Variants in MED17 observed in about 807,000 individuals in gnomAD.
MED17 encodes the protein mediator of RNA polymerase II transcription subunit 17.
Under a neutral mutation model 80.8 loss-of-function variants are expected in MED17, and 49 were observed. The ratio of observed to expected loss-of-function variants is 0.61; its 90% CI spans 0.48 to 0.77. MED17 has a LOEUF of 0.77. Among genes scored for constraint, MED17 ranks in the 30% least tolerant of loss-of-function variants. The pLI is 0.00. For synonymous variants in MED17, 281 were observed against 280.4 expected (o/e 1.00, Z -0.02); for missense variants, 718 against 787.0 (o/e 0.91, Z 1.05).
intron 9 of MED17, among the ~76,000 whole-genome samples, chr11:93,803,993 GTGTGTGTA>G (rs1267482842): frequency 0.032 from 73 of 2,316 alleles, 1 homozygote; most frequent in Middle Eastern, 0.5. Flanking sequence ...GTGTATATAT[GTGTGTGTA>G]TATATATATA....
At chr11:93,795,195 A>G in intron 6 of MED17, 135 bp downstream of exon 6, 1 of 972,028 alleles carries the variant, frequency 1.0e-6, no homozygotes, top group Non-Finnish European at 1.6e-6. Flanking sequence ...AGTGACAGCC[A>G]GTAAAGCATG....
chr11:93,793,861 C>G lies in MED17; in HGVS notation c.771C>G (p.Ile257Met). Residue 257 changes from isoleucine (I) to methionine (M), a missense_variant, in exon 4 of 12, where the codon ATC (isoleucine) becomes ATG (methionine). Ile to Met is a conservative substitution (Grantham distance 10). Transcript: ENST00000251871. ...GTGATTTAGAGGGGTCTGCATATATCAAGGTATTTGTCAAAATATTTTTCA... is the reference window on the plus strand; with the variant it reads ...GTGATTTAGAGGGGTCTGCATATATGAAGGTATTTGTCAAAATATTTTTCA... Reference protein sequence around the residue: ...IPSDLEGSAYIKVSIQKQAPD... With the variant: ...IPSDLEGSAYMKVSIQKQAPD... 3 of 1,613,422 alleles carry G rather than the reference C, an allele frequency of 1.9e-6. No individual in the cohort carries two copies. Among genetic ancestry groups the G allele is most frequent in the Non-Finnish European group, 2.5e-6 (3 of 1,179,482 alleles).
At chr11:93,801,639 G>A in intron 8 of MED17, 196 bp from the exon 9 acceptor site, 2 of 567,616 alleles carry the variant, frequency 3.5e-6, no homozygotes, top group South Asian at 4.1e-5. Context: ...GTAATGTCAA[G>A]CTGAGAACCT....
At chr11:93,800,898 A>G (rs1943955777) in intron 8 of MED17, 1 of 151,956 alleles carries the variant, frequency 6.6e-6, no homozygotes, top group East Asian at 1.9e-4. Flanking sequence ...TGTCCTCCCA[A>G]AGTGTTTTGA....
At chr11:93,787,477 G>A (rs1239237753) in intron 1 of MED17, among the ~76,000 whole-genome samples, 2 of 152,170 alleles carry the variant, frequency 1.3e-5, no homozygotes, top group African/African-American at 4.8e-5. Flanking sequence ...CCTCTCAGGA[G>A]GGGAGAGAAT....
intron 1 of MED17, 45 bp downstream of exon 1, chr11:93,784,808 G>T: frequency 6.5e-7 from 1 of 1,531,776 alleles, no homozygotes; most frequent in Non-Finnish European, 8.7e-7. Context: ...CTGGGTCCCA[G>T]CACCCGCGCG....
Position 93,812,096 on chromosome 11 carries a change from A to G in MED17, c.*32A>G. 1 of 1,579,522 alleles carries G rather than the reference A, an allele frequency of 6.3e-7. No individual in the cohort carries two copies. Among genetic ancestry groups the G allele is most frequent in the Non-Finnish European group, 8.7e-7 (1 of 1,148,804 alleles). ...CCAGATGTTTCCTAAAGAAGTTTCC[A>G]GAAACTTTGACTTGAAATGTTTGCA... On this transcript the variant is annotated 3_prime_UTR_variant, in exon 12 of 12. Transcript: ENST00000251871.
chr11:93,810,797 T>C (rs1944079203), intron 11 of MED17: 1 of 152,234 alleles, frequency 6.6e-6, no homozygotes, highest in Non-Finnish European at 1.5e-5. Context: ...ATGGTTTTAG[T>C]GTGATCTTTG....
In MED17 at chr11:93,805,803, A is replaced by C. The variant is rs902365457; in HGVS notation, c.1467-1715A>C. On this transcript the variant is annotated intron_variant, in intron 9 of 11. Transcript: ENST00000251871. ...AAAACAATGTAAACTTTAGTACATC[A>C]AAATTACAACTTAAGCCAGGCATGG... 3.9e-5 allele frequency among the ~76,000 whole-genome samples: 6 copies of C among 152,078 alleles called. 1 individual carries two copies.
In MED17 at chr11:93,784,315, C is replaced by T; in HGVS notation, c.-199C>T. On this transcript the variant is annotated 5_prime_UTR_variant, in exon 1 of 12. Transcript: ENST00000251871. The stretch of plus-strand genomic sequence containing the variant: ...TCCGAAAGACTTACCGAGGAGGGAG[C>T]TTGCGGTGCGTTCTGGGAAAGTTGC... 1 of 686,542 alleles carries T rather than the reference C, an allele frequency of 1.5e-6. No homozygotes were observed. Among genetic ancestry groups the T allele is most frequent in the East Asian group, 2.9e-5 (1 of 34,908 alleles). The allele number at this position is 686,542 out of a possible 1,614,324, so 42.5% of individuals were successfully genotyped here. A position where few individuals can be genotyped will look rare whatever the true frequency, so the allele number is the denominator to read the frequency against.
At chr11:93,791,182 T>C (rs1038854708) in intron 3 of MED17, among the ~76,000 whole-genome samples, 2 of 152,238 alleles carry the variant, frequency 1.3e-5, no homozygotes, top group African/African-American at 4.8e-5. Flanking sequence ...ATTTCTCAGC[T>C]ATGTGTTACG....
chr11:93,794,585 G>A (rs1196219942), intron 5 of MED17: 1 of 395,580 alleles, frequency 2.5e-6, no homozygotes, highest in African/African-American at 2.0e-5. Flanking sequence ...GCTTTGCACA[G>A]TGGCAGTATC....
chr11:93,790,831 G>T (rs748174714), intron 3 of MED17, 38 bp downstream of exon 3: 3 of 1,565,292 alleles, frequency 1.9e-6, no homozygotes, highest in African/African-American at 1.4e-5. Flanking sequence ...TTCTGGCCAG[G>T]TGTGGTGGCT....
intron 11 of MED17, 177 bp from the exon 12 acceptor site, chr11:93,811,676 A>G (rs1468257409): frequency 3.2e-6 from 2 of 617,716 alleles, no homozygotes; most frequent in Admixed American, 2.9e-5. Context: ...ATCCTCTTAT[A>G]TAGAAGTTAG....
At chr11:93,798,055 G>A (rs901530708) in intron 8 of MED17, among the ~76,000 whole-genome samples, 2 of 152,156 alleles carry the variant, frequency 1.3e-5, no homozygotes, top group African/African-American at 2.4e-5. Flanking sequence ...GAGGGTTTCT[G>A]TATTTTTTGT....
chr11:93,801,630 T>G, intron 8 of MED17: 4 of 555,302 alleles, frequency 7.2e-6, no homozygotes, highest in Non-Finnish European at 1.3e-5. Context: ...GAGTGTATTG[T>G]AATGTCAAGC....
At chr11:93,790,026 A>G (rs905688460) in intron 2 of MED17, among the ~76,000 whole-genome samples, 2 of 152,242 alleles carry the variant, frequency 1.3e-5, no homozygotes, top group African/African-American at 4.8e-5. Flanking sequence ...GCTTATGGTA[A>G]GATGCAAAAT....
chr11:93,787,149 C>T (rs591709), intron 1 of MED17, among the ~76,000 whole-genome samples: 30,307 of 152,084 alleles, frequency 0.2, 3,118 homozygotes, highest in South Asian at 0.24. Context: ...CGCAGTGGCT[C>T]ACGTCTGTAA....
chr11:93,803,961 A>G (rs1235395762), intron 9 of MED17, among the ~76,000 whole-genome samples: 3 of 145,750 alleles, frequency 2.1e-5, no homozygotes, highest in Admixed American at 6.8e-5. Flanking sequence ...TGGAATGTGT[A>G]TGTGTGTATA....
Sources: allele counts gnomAD v4.1 joint callset (sites outside exome capture counted in the v4.1 genomes callset), GRCh38; gene constraint gnomAD v4.1.1; transcripts MANE v1.5; gene names NCBI Gene and HGNC (gene_info 2026-07-23, HGNC 2026-07-21).